Variants in ENPP3 observed in about 807,000 individuals in gnomAD.
ENPP3 encodes the protein ectonucleotide pyrophosphatase/phosphodiesterase 3.
A neutral mutation model predicts 117.8 loss-of-function variants in ENPP3; 104 were observed. That is an observed-to-expected ratio of 0.88 (90% confidence interval 0.75 to 1.04). The LOEUF is 1.04. ENPP3 is among the 50% of genes least tolerant of loss of function. ENPP3 has a pLI of 0.00. For synonymous variants in ENPP3, 380 were observed against 349.9 expected (o/e 1.09, Z -0.96); for missense variants, 1,026 against 1,051.9 (o/e 0.98, Z 0.34).
At chr6:131,734,646 C>T (rs1297809396) in intron 21 of ENPP3, among the ~76,000 whole-genome samples, 1 of 151,964 alleles carries the variant, frequency 6.6e-6, no homozygotes, top group East Asian at 1.9e-4. Flanking sequence ...TCTGTAATCC[C>T]AGCACTTTGG....
At chr6:131,696,287 C>T (rs1051191877) in intron 15 of ENPP3, among the ~76,000 whole-genome samples, 1 of 152,084 alleles carries the variant, frequency 6.6e-6, no homozygotes. Context: ...CTAGAGATAA[C>T]CAACAAAGTA....
At chr6:131,653,310 C>G (rs1259264276) in intron 5 of ENPP3, among the ~76,000 whole-genome samples, 1 of 131,740 alleles carries the variant, frequency 7.6e-6, no homozygotes, top group Non-Finnish European at 1.5e-5. Context: ...TTATTTTTCT[C>G]TCTTTTTTTT....
At chr6:131,658,583 T>C (rs1778434732) in intron 6 of ENPP3, among the ~76,000 whole-genome samples, 163 bp downstream of exon 6, 2 of 152,230 alleles carry the variant, frequency 1.3e-5, no homozygotes, top group Admixed American at 1.3e-4. Context: ...GGAAGTATAT[T>C]TTCACGCTTG....
chr6:131,689,938 G>A (rs775343034), intron 14 of ENPP3, among the ~76,000 whole-genome samples: 6 of 152,146 alleles, frequency 3.9e-5, no homozygotes, highest in South Asian at 2.1e-4. Context: ...AACTACAGTC[G>A]TGGTAAAAAT....
intron 15 of ENPP3, among the ~76,000 whole-genome samples, chr6:131,697,057 G>T (rs188063449): frequency 6.6e-6 from 1 of 152,296 alleles, no homozygotes; most frequent in Non-Finnish European, 1.5e-5. Flanking sequence ...GTGAGCCACC[G>T]TGCCGGCCTG....
At chr6:131,657,585 A>C (rs1467576877) in intron 5 of ENPP3, among the ~76,000 whole-genome samples, 2 of 152,234 alleles carry the variant, frequency 1.3e-5, no homozygotes, top group Non-Finnish European at 2.9e-5. Context: ...GGAATCTCAA[A>C]CATAATGTCG....
rs2114426981 is a variant in ENPP3, at chr6:131,685,461, C to T, written c.1218C>T (p.Ile406=). The change falls in exon 13 of 25, where the codon ATC becomes ATT. Residue 406 remains isoleucine, a synonymous_variant. Transcript: ENST00000357639. ...FYMYEGPAPR[I]RAHNIPHDFF... is the part of the protein sequence containing the mutation. ...TGTACGAAGGGCCTGCCCCCCGCAT[C>T]CGAGCTCATAATATACCTCATGACT... is the stretch of plus-strand genomic sequence containing the variant. 6 of 1,613,952 alleles carry T rather than the reference C, an allele frequency of 3.7e-6. No individual in the cohort carries two copies. In the South Asian group the frequency reaches 6.6e-5, roughly 18 times the overall value.
At chr6:131,746,698 A>G in intron 24 of ENPP3, 88 bp from the exon 25 acceptor site, 1 of 1,222,764 alleles carries the variant, frequency 8.2e-7, no homozygotes, top group Non-Finnish European at 1.2e-6. Flanking sequence ...ATCATCGGCA[A>G]AAAGACAACT....
At chr6:131,659,391 C>T in intron 6 of ENPP3, among the ~76,000 whole-genome samples, 1 of 152,178 alleles carries the variant, frequency 6.6e-6, no homozygotes, top group East Asian at 1.9e-4. Context: ...GCACACTCTT[C>T]ACTGCCCTGC....
chr6:131,680,611 G>T (rs372340920), intron 11 of ENPP3, among the ~76,000 whole-genome samples: 23 of 152,316 alleles, frequency 1.5e-4, no homozygotes, highest in African/African-American at 5.3e-4. Context: ...AATGGAAGTA[G>T]AGATTTTCTG....
chr6:131,667,767 C>T (rs1306458574), intron 6 of ENPP3, among the ~76,000 whole-genome samples: 1 of 152,174 alleles, frequency 6.6e-6, no homozygotes, highest in Non-Finnish European at 1.5e-5. Flanking sequence ...GGGTTTCTCA[C>T]AAAGGGAATT....
chr6:131,702,231 G>A lies in ENPP3; in HGVS notation c.1412+8607G>A, dbSNP rs1396200741. ...TGTCAAAGTCTTAAAACCACATTAA[G>A]TTTAATCTTAAAGTGGAAGGTTTAA... On this transcript the variant is annotated intron_variant, in intron 15 of 24. Transcript: ENST00000357639. Among the ~76,000 whole-genome samples, 9 of 151,968 alleles carry A rather than the reference G, an allele frequency of 5.9e-5. No individual in the cohort carries two copies. In the East Asian group the frequency reaches 1.4e-3, roughly 23 times the overall value.
intron 20 of ENPP3, among the ~76,000 whole-genome samples, chr6:131,727,510 G>A (rs1028529596): frequency 3.6e-5 from 5 of 138,672 alleles, no homozygotes; most frequent in South Asian, 2.3e-4. Flanking sequence ...AGCCAAGATC[G>A]CGCCATTACA....
chr6:131,739,851 A>G (rs1780488663), intron 23 of ENPP3, among the ~76,000 whole-genome samples: 3 of 151,634 alleles, frequency 2.0e-5, no homozygotes, highest in Admixed American at 2.0e-4. Context: ...TGGGAGGATC[A>G]TTTGAGCCCA....
intron 6 of ENPP3, among the ~76,000 whole-genome samples, chr6:131,659,541 C>G (rs1420201317): frequency 6.6e-6 from 1 of 152,080 alleles, no homozygotes; most frequent in Non-Finnish European, 1.5e-5. Flanking sequence ...GGTAAGTTGA[C>G]TGACTTTTCT....
rs1439459685 is a variant in ENPP3 at position 131,740,251 on chromosome 6, C to A, written c.2328C>A (p.Ile776=). 6.2e-7 allele frequency: 1 copy of A among 1,608,140 alleles called. No individual in the cohort carries two copies. Among genetic ancestry groups the A allele is most frequent in the Non-Finnish European group, 8.5e-7 (1 of 1,177,104 alleles). Residue 776 remains isoleucine, a synonymous_variant, in exon 24 of 25, where the codon ATC becomes ATA. Coordinates refer to ENST00000357639, the MANE Select transcript of ENPP3 (RefSeq NM_005021.5). ...ATTTAGCCAACACTGATGTTCCCATCCCAACACACTACTTTGTGGTGCTGA... is the reference window on the plus strand; with the variant it reads ...ATTTAGCCAACACTGATGTTCCCATACCAACACACTACTTTGTGGTGCTGA... ...TKHLANTDVP[I]PTHYFVVLTS... is the part of the protein sequence containing the mutation.
intron 11 of ENPP3, among the ~76,000 whole-genome samples, chr6:131,679,930 A>T (rs1019305837): frequency 4.6e-5 from 7 of 152,224 alleles, no homozygotes; most frequent in East Asian, 1.9e-4. Context: ...GCATTGTGTA[A>T]CAGGGAAGAG....
chr6:131,677,669 G>C (rs912067137), intron 10 of ENPP3, among the ~76,000 whole-genome samples, 199 bp from the exon 11 acceptor site: 1 of 152,052 alleles, frequency 6.6e-6, no homozygotes, highest in Non-Finnish European at 1.5e-5. Flanking sequence ...CTTGTATCTG[G>C]GAAGGTCTTA....
At chr6:131,646,274 CTGTGTGTGTGTG>C (rs34014584) in intron 2 of ENPP3, among the ~76,000 whole-genome samples, 12 of 145,506 alleles carry the variant, frequency 8.2e-5, no homozygotes, top group African/African-American at 2.3e-4. Flanking sequence ...TCTCAATACT[CTGTGTGTGTGTG>C]TGTGTGTGTG....
Sources: gnomAD v4.1 joint callset for allele counts (sites outside exome capture counted in the v4.1 genomes callset) on GRCh38, gnomAD v4.1.1 for gene constraint, MANE v1.5 for transcripts, NCBI Gene and HGNC (gene_info 2026-07-23, HGNC 2026-07-21) for gene names.